FRMPD4: variants seen among roughly 807,000 people sequenced by gnomAD.
FRMPD4 encodes the protein FERM and PDZ domain containing 4.
FRMPD4 carries 22 observed loss-of-function variants against 94.1 expected under a neutral mutation model. The ratio of observed to expected loss-of-function variants is 0.23; its 90% CI spans 0.17 to 0.33. The LOEUF is 0.33. Among genes scored for constraint, FRMPD4 ranks in the 10% least tolerant of loss-of-function variants. The pLI, the probability that FRMPD4 is intolerant of heterozygous loss-of-function variation, is 1.00. For missense variants in FRMPD4, 1,111 were observed against 1,339.9 expected (o/e 0.83, Z 2.67); for synonymous variants, 631 against 548.6 (o/e 1.15, Z -2.10).
intron 3 of FRMPD4, among the ~76,000 whole-genome samples, chrX:12,097,603 C>T (rs933734657): frequency 8.9e-6 from 1 of 112,202 alleles, no homozygotes; most frequent in African/African-American, 3.2e-5. Flanking sequence ...TCTAGCTAAT[C>T]TACTTTCTGT....
chrX:11,912,889 G>A (rs750853629), intron 3 of FRMPD4, among the ~76,000 whole-genome samples: 2 of 111,557 alleles, frequency 1.8e-5, no homozygotes, highest in South Asian at 7.7e-4. Flanking sequence ...CCATGCATGG[G>A]ATTGGGTACT....
chrX:12,344,519 A>G (rs900308860), intron 1 of FRMPD4, among the ~76,000 whole-genome samples: 1 of 111,483 alleles, frequency 9.0e-6, no homozygotes, highest in African/African-American at 3.3e-5. Context: ...GTCAAAACCA[A>G]CCCGTTTTCT....
chrX:12,196,978 CTAT>C (rs1425518014), intron 1 of FRMPD4, among the ~76,000 whole-genome samples: 2 of 111,503 alleles, frequency 1.8e-5, no homozygotes, highest in Non-Finnish European at 3.8e-5. Context: ...GTAGGAAATA[CTAT>C]TATTAAGCCC....
At chrX:12,014,816 T>G (rs1044648017) in intron 3 of FRMPD4, among the ~76,000 whole-genome samples, 5 of 111,216 alleles carry the variant, frequency 4.5e-5, no homozygotes, top group Non-Finnish European at 9.4e-5. Flanking sequence ...TAAGCTTCAG[T>G]GGAGGCGATA....
At chrX:11,860,226 C>T (rs1246972569) in intron 1 of FRMPD4, among the ~76,000 whole-genome samples, 1 of 112,205 alleles carries the variant, frequency 8.9e-6, no homozygotes, top group Non-Finnish European at 1.9e-5. Flanking sequence ...TGGTTCTTGG[C>T]TGTCTATTTT....
At chrX:12,484,942 C>T (rs1186568307) in intron 1 of FRMPD4, among the ~76,000 whole-genome samples, 1 of 112,251 alleles carries the variant, frequency 8.9e-6, no homozygotes, top group Non-Finnish European at 1.9e-5. Context: ...TACTCGATAG[C>T]AGGGGTTGGC....
intron 2 of FRMPD4, among the ~76,000 whole-genome samples, chrX:12,514,038 G>C (rs984826618): frequency 9.0e-6 from 1 of 111,282 alleles, no homozygotes; most frequent in Non-Finnish European, 1.9e-5. Flanking sequence ...TGGTGTATAG[G>C]AATGCTTGTG....
In FRMPD4 at chrX:12,119,902, T is replaced by C. The variant is rs372843766; in HGVS notation, c.95+241884T>C. 2.0e-4 allele frequency among the ~76,000 whole-genome samples: 23 copies of C among 112,554 alleles called. 1 individual carries two copies. Among genetic ancestry groups the C allele is most frequent in the African/African-American group, 7.1e-4 (22 of 31,041 alleles). On this transcript the variant is annotated intron_variant, in intron 3 of 18. Transcript: ENST00000640291. The stretch of plus-strand genomic sequence containing the variant: ...CAGGAGTATAAACTAGAGAACTTCA[T>C]TGAGATGGCCTCGAGTTCTATGGGA...
chrX:12,706,639 T>C (rs763123546), intron 11 of FRMPD4, among the ~76,000 whole-genome samples, 187 bp from the exon 12 acceptor site: 1 of 112,275 alleles, frequency 8.9e-6, no homozygotes, highest in Admixed American at 9.4e-5. Context: ...CTTGATTTTA[T>C]GTTCCAGTCC....
intron 1 of FRMPD4, among the ~76,000 whole-genome samples, chrX:12,210,446 T>C (rs1262057194): frequency 1.8e-5 from 2 of 111,477 alleles, no homozygotes; most frequent in Non-Finnish European, 3.8e-5. Context: ...GTCACACATC[T>C]TCCCTCAGAT....
At chrX:11,958,899 G>A (rs918424820) in intron 3 of FRMPD4, among the ~76,000 whole-genome samples, 4 of 111,805 alleles carry the variant, frequency 3.6e-5, no homozygotes, top group Non-Finnish European at 7.5e-5. Context: ...CAATACAATA[G>A]AGAGGGTCAC....
At chrX:12,158,727 TC>T (rs1370655151) in intron 1 of FRMPD4, among the ~76,000 whole-genome samples, 1 of 112,297 alleles carries the variant, frequency 8.9e-6, no homozygotes, top group Non-Finnish European at 1.9e-5. Flanking sequence ...TGTATGAAGA[TC>T]CCCAATCTAT....
rs778265392 is a variant in FRMPD4, at chrX:11,947,307, C to T, written c.95+69289C>T. ...TTGAATATTTGAATCAGGATATGTTCCCCTAAGAAAAATTGAACTGTGTCA... is the reference window on the plus strand; with the variant it reads ...TTGAATATTTGAATCAGGATATGTTTCCCTAAGAAAAATTGAACTGTGTCA... On this transcript the variant is annotated intron_variant, in intron 3 of 18. Transcript: ENST00000640291. Among the ~76,000 whole-genome samples the T allele has an allele frequency of 2.7e-5, 3 of 112,145 alleles. No individual in the cohort carries two copies. The East Asian group carries it at 8.4e-4, about 31-fold the overall frequency.
At chrX:12,703,909 G>A (rs1602348793) in intron 10 of FRMPD4, among the ~76,000 whole-genome samples, 1 of 112,042 alleles carries the variant, frequency 8.9e-6, no homozygotes, top group East Asian at 2.8e-4. Context: ...GAGGGACAGG[G>A]AAGAATGGTT....
intron 5 of FRMPD4, among the ~76,000 whole-genome samples, chrX:12,680,315 G>C (rs759423510): frequency 4.5e-5 from 5 of 112,278 alleles, no homozygotes; most frequent in Middle Eastern, 4.6e-3. Flanking sequence ...AGGATATGAA[G>C]TGCTTGTGAT....
intron 3 of FRMPD4, among the ~76,000 whole-genome samples, chrX:12,003,778 CT>C (rs1377307915): frequency 2.7e-5 from 3 of 112,201 alleles, no homozygotes; most frequent in Non-Finnish European, 5.6e-5. Context: ...GTTCCTTTCA[CT>C]TTCCCCTTTA....
At chrX:12,556,466 G>A (rs1391996462) in intron 2 of FRMPD4, among the ~76,000 whole-genome samples, 1 of 111,193 alleles carries the variant, frequency 9.0e-6, no homozygotes, top group Admixed American at 9.6e-5. Context: ...CACTCCTACA[G>A]TCACAAGGAA....
chrX:11,984,352 C>A (rs1408227121), intron 3 of FRMPD4, among the ~76,000 whole-genome samples: 1 of 112,488 alleles, frequency 8.9e-6, no homozygotes, highest in Non-Finnish European at 1.9e-5. Flanking sequence ...ACCACTTCAA[C>A]CTCTTGGTAG....
chrX:12,104,381 A>C, intron 3 of FRMPD4, among the ~76,000 whole-genome samples: 1 of 112,258 alleles, frequency 8.9e-6, no homozygotes, highest in Non-Finnish European at 1.9e-5. Context: ...AGGTGATGAG[A>C]TAATACCTTG....
Sources: gnomAD v4.1 joint callset for allele counts (sites outside exome capture counted in the v4.1 genomes callset) on GRCh38, gnomAD v4.1.1 for gene constraint, MANE v1.5 for transcripts, NCBI Gene and HGNC (gene_info 2026-07-23, HGNC 2026-07-21) for gene names.